The following TSPAN14 variants were observed in gnomAD, a reference collection of about 807,000 sequenced individuals.
TSPAN14 encodes the protein tetraspanin 14.
Under a neutral mutation model 36.6 loss-of-function variants are expected in TSPAN14, and 16 were observed. That is an observed-to-expected ratio of 0.44 (90% CI 0.30 to 0.66). TSPAN14 has a LOEUF of 0.66. TSPAN14 is among the 30% of genes least tolerant of loss of function. TSPAN14 has a pLI of 0.12. For synonymous variants in TSPAN14, 139 were observed against 143.8 expected, an observed-to-expected ratio of 0.97 and a Z score of 0.24; for missense variants, 231 against 355.1, an observed-to-expected ratio of 0.65 and a Z score of 2.81.
intron 2 of TSPAN14, among the ~76,000 whole-genome samples, chr10:80,503,461 A>G (rs1473912487): frequency 6.6e-6 from 1 of 151,938 alleles, no homozygotes; most frequent in Non-Finnish European, 1.5e-5. Context: ...ACTGCCTGAC[A>G]TTTTGGTCTT....
At chr10:80,517,953 G>C (rs1841029850) in exon 9 of TSPAN14, 1 of 1,564,090 alleles carries the variant, frequency 6.4e-7, no homozygotes, top group African/African-American at 1.3e-5. Context: ...CATCGAGGCA[G>C]TGAAGGCCGG....
intron 1 of TSPAN14, among the ~76,000 whole-genome samples, chr10:80,460,479 G>A (rs1312303516): frequency 6.6e-6 from 1 of 152,110 alleles, no homozygotes; most frequent in Non-Finnish European, 1.5e-5. Flanking sequence ...GTTTGGTGAG[G>A]GACAGAATCT....
chr10:80,513,775 G>T (rs1163609695), intron 6 of TSPAN14, among the ~76,000 whole-genome samples: 1 of 152,156 alleles, frequency 6.6e-6, no homozygotes, highest in African/African-American at 2.4e-5. Flanking sequence ...TGTCAGTGCC[G>T]GCTCTCATGC....
chr10:80,484,870 G>T (rs72819589), intron 1 of TSPAN14, among the ~76,000 whole-genome samples: 1 of 152,302 alleles, frequency 6.6e-6, no homozygotes, highest in Non-Finnish European at 1.5e-5. Context: ...GTGTGTGCAT[G>T]TATGTGCATA....
chr10:80,477,358 T>C (rs1193864740), intron 1 of TSPAN14, among the ~76,000 whole-genome samples: 1 of 152,240 alleles, frequency 6.6e-6, no homozygotes, highest in Non-Finnish European at 1.5e-5. Context: ...AAAAATACTT[T>C]GAAATGTTCC....
At chr10:80,477,040 A>G (rs1036042343) in intron 1 of TSPAN14, among the ~76,000 whole-genome samples, 1 of 152,252 alleles carries the variant, frequency 6.6e-6, no homozygotes, top group African/African-American at 2.4e-5. Flanking sequence ...ACTGTCAGCC[A>G]GGGCTACTCT....
rs1840468744 is a variant in TSPAN14 at position 80,509,201 on chromosome 10, G to A, written c.280-100G>A. The A allele has an allele frequency of 1.5e-6, 2 of 1,335,514 alleles. No individual in the cohort carries two copies. Among genetic ancestry groups the A allele is most frequent in the South Asian group, 1.4e-5 (1 of 72,722 alleles). 82.7% of individuals were successfully genotyped at this position (1,335,514 alleles called of 1,614,324 possible). On this transcript the variant is annotated intron_variant, in intron 4 of 8. Transcript: ENST00000429989. The surrounding 1 kb of genome is among the most constrained non-coding windows in gnomAD (Gnocchi z 4.7). Reference sequence around the variant, plus strand: ...TGGGACTCTCAGGTGCAGAGCCCACGCTCTGCTGAGGATGGTGGTTCTGGG... The same window carrying A: ...TGGGACTCTCAGGTGCAGAGCCCACACTCTGCTGAGGATGGTGGTTCTGGG...
At chr10:80,520,381 T>G (rs1878036) in exon 9 of TSPAN14, 333,280 of 393,614 alleles carry the variant, frequency 0.85, 142,143 homozygotes, top group East Asian at 0.98. Flanking sequence ...TGAGAGCCGG[T>G]CACGTGGCAG....
chr10:80,491,417 C>T (rs1847914420), intron 2 of TSPAN14, among the ~76,000 whole-genome samples: 1 of 152,138 alleles, frequency 6.6e-6, no homozygotes, highest in South Asian at 2.1e-4. Context: ...CTGGGCTAGG[C>T]AGGCAGTCTG....
chr10:80,508,075 G>A (rs1392641493), intron 4 of TSPAN14, among the ~76,000 whole-genome samples: 1 of 149,854 alleles, frequency 6.7e-6, no homozygotes, highest in Non-Finnish European at 1.5e-5. Context: ...TTACGTTTTG[G>A]CAGGCCTTGT....
At chr10:80,515,383 A>G (rs1165165205) in intron 7 of TSPAN14, 2 of 152,210 alleles carry the variant, frequency 1.3e-5, no homozygotes, top group African/African-American at 4.8e-5. Context: ...CCCTCTGTGC[A>G]TGTCTGTGTC....
chr10:80,491,647 A>G (rs186989066), intron 2 of TSPAN14, among the ~76,000 whole-genome samples: 38 of 152,340 alleles, frequency 2.5e-4, no homozygotes, highest in Admixed American at 2.0e-3. Context: ...ACACGTTTGC[A>G]GCACTATATT....
In TSPAN14 at chr10:80,472,404, G is replaced by C. The variant is rs568402435; in HGVS notation, c.-17-16813G>C. 6.6e-5 allele frequency among the ~76,000 whole-genome samples: 10 copies of C among 152,266 alleles called. 1 individual carries two copies. The South Asian group carries it at 2.1e-3, about 31-fold the overall frequency. Reference sequence around the variant, plus strand: ...CATGATGTGGGTCTGAGTCATTACCGGTGATATTGACAATGATCGCTTGCT... The same window carrying C: ...CATGATGTGGGTCTGAGTCATTACCCGTGATATTGACAATGATCGCTTGCT... On this transcript the variant is annotated intron_variant, in intron 1 of 8. Coordinates refer to ENST00000429989, the Ensembl canonical transcript of TSPAN14.
chr10:80,489,193 C>G, intron 1 of TSPAN14, 24 bp from the exon 2 acceptor site: 1 of 1,489,684 alleles, frequency 6.7e-7, no homozygotes, highest in South Asian at 1.2e-5. Context: ...CCTGCCATCT[C>G]ACTAGTCACA....
intron 1 of TSPAN14, among the ~76,000 whole-genome samples, chr10:80,460,461 G>A (rs557843657): frequency 6.6e-6 from 1 of 152,312 alleles, no homozygotes; most frequent in South Asian, 2.1e-4. Flanking sequence ...AGGGCTCAGA[G>A]GAATAAAGTT....
At chr10:80,476,409 G>GTTTTTTTTTTTTTTTTTTTTTTTTT (rs60589813) in intron 1 of TSPAN14, among the ~76,000 whole-genome samples, 1 of 85,046 alleles carries the variant, frequency 1.2e-5, no homozygotes, top group Non-Finnish European at 2.2e-5. Flanking sequence ...TTGTTTTACT[G>GTTTTTTTTTTTTTTTTTTTTTTTTT]TTTTTTTTTT....
At chr10:80,471,263 A>C (rs1846536612) in intron 1 of TSPAN14, among the ~76,000 whole-genome samples, 1 of 152,086 alleles carries the variant, frequency 6.6e-6, no homozygotes, top group South Asian at 2.1e-4. Context: ...TTTGTCTCCC[A>C]CAGCAAAAGT....
At chr10:80,475,923 A>C (rs539820751) in intron 1 of TSPAN14, among the ~76,000 whole-genome samples, 1 of 152,128 alleles carries the variant, frequency 6.6e-6, no homozygotes, top group Non-Finnish European at 1.5e-5. Context: ...CCACTGTCCA[A>C]GGGGGTTTGG....
At chr10:80,512,512 T>G (rs746079508) in intron 6 of TSPAN14, among the ~76,000 whole-genome samples, 8 of 152,138 alleles carry the variant, frequency 5.3e-5, no homozygotes, top group Non-Finnish European at 1.2e-4. Flanking sequence ...AAAAACAGTA[T>G]TATTTCTACC....
Sources: gnomAD v4.1 joint callset for allele counts (sites outside exome capture counted in the v4.1 genomes callset) on GRCh38, gnomAD v4.1.1 for gene constraint, Gnocchi (gnomAD v3.1) non-coding constraint, MANE v1.5 for transcripts, NCBI Gene and HGNC (gene_info 2026-07-23, HGNC 2026-07-21) for gene names.